The following CERS5 variants were observed in gnomAD, a reference collection of about 807,000 sequenced individuals.
CERS5 encodes the protein LAG1 homolog, ceramide synthase 5.
In CERS5, 37 loss-of-function variants were observed where a neutral mutation model predicts 58.9. The ratio of observed to expected loss-of-function variants is 0.63; its 90% CI spans 0.48 to 0.83. CERS5 has a LOEUF of 0.83. CERS5 is among the 40% of genes least tolerant of loss of function. The pLI is 0.00. For synonymous variants in CERS5, 147 were observed against 177.8 expected (o/e 0.83, Z 1.38); for missense variants, 398 against 489.3 (o/e 0.81, Z 1.76).
intron 4 of CERS5, among the ~76,000 whole-genome samples, chr12:50,139,603 G>A (rs762660169): frequency 1.3e-5 from 2 of 152,072 alleles, no homozygotes; most frequent in Non-Finnish European, 2.9e-5. Context: ...AGATTAGCCC[G>A]GCAACATGAT....
At chr12:50,157,592 A>G (rs1047848164) in intron 1 of CERS5, among the ~76,000 whole-genome samples, 14 of 152,094 alleles carry the variant, frequency 9.2e-5, no homozygotes, top group Non-Finnish European at 2.1e-4. Flanking sequence ...AGATCTCTGA[A>G]ATGGTTCTCT....
At chr12:50,153,943 A>G in intron 1 of CERS5, 1 of 354,360 alleles carries the variant, frequency 2.8e-6, no homozygotes, top group South Asian at 2.0e-5. Context: ...GACAAGAGCA[A>G]AACACCACCT....
intron 3 of CERS5, among the ~76,000 whole-genome samples, chr12:50,142,456 A>C (rs773882940): frequency 2.7e-5 from 4 of 150,116 alleles, no homozygotes; most frequent in Non-Finnish European, 5.9e-5. Flanking sequence ...AGGCTGAGGC[A>C]GGAGAATCGC....
chr12:50,155,598 G>A (rs12314572), intron 1 of CERS5, among the ~76,000 whole-genome samples: 46,892 of 151,306 alleles, frequency 0.31, 8,120 homozygotes, highest in East Asian at 0.76. Flanking sequence ...TTAGCCAGGC[G>A]TGGTGGCAGG....
At chr12:50,148,446 A>G in intron 1 of CERS5, 1 of 220,038 alleles carries the variant, frequency 4.5e-6, no homozygotes, top group South Asian at 3.9e-5. Flanking sequence ...AAAATACAAA[A>G]ATTAGCCAGG....
Position 50,130,597 on chromosome 12 carries a change from C to T in CERS5, c.1127G>A (p.Gly376Asp). Residue 376 changes from glycine (G) to aspartate (D), a missense_variant, in exon 10 of 10, where the codon GGT (glycine) becomes GAT (aspartate). Around this residue, in one of 3 missense-constraint regions of CERS5, gnomAD observed 47 missense variants for 50.2 expected, o/e 0.94. Transcript: ENST00000317551. The part of the protein sequence containing the change: ...KSPCDSSSSN[G>D]ANRVNGHMGG... ...CATGTGACCATTCACCCGATTGGCACCATTGCTGGAGCTACTGTCACAGGG... is the reference window on the plus strand; with the variant it reads ...CATGTGACCATTCACCCGATTGGCATCATTGCTGGAGCTACTGTCACAGGG... The T allele has an allele frequency of 6.2e-7, 1 of 1,612,830 alleles. No homozygotes were observed. Among genetic ancestry groups the T allele is most frequent in the Non-Finnish European group, 8.5e-7 (1 of 1,178,912 alleles).
At chr12:50,141,514 G>GTATCTTC (rs1217109238) in intron 4 of CERS5, among the ~76,000 whole-genome samples, 1 of 152,070 alleles carries the variant, frequency 6.6e-6, no homozygotes, top group Non-Finnish European at 1.5e-5. Context: ...AGTATTATTA[G>GTATCTTC]TATCTTCTAG....
intron 4 of CERS5, among the ~76,000 whole-genome samples, chr12:50,139,465 A>AGGCT (rs1951850433): frequency 6.6e-6 from 1 of 152,114 alleles, no homozygotes; most frequent in South Asian, 2.1e-4. Context: ...CCTGGGTGAC[A>AGGCT]GAGTAAGACC....
intron 6 of CERS5, 147 bp downstream of exon 6, chr12:50,137,581 G>C (rs1387250021): frequency 2.0e-5 from 11 of 540,486 alleles, no homozygotes; most frequent in Non-Finnish European, 3.3e-5. Context: ...CTCATTTCTG[G>C]GAACATTACG....
intron 9 of CERS5, among the ~76,000 whole-genome samples, chr12:50,132,481 G>C (rs1447105599): frequency 6.6e-6 from 1 of 152,146 alleles, no homozygotes; most frequent in Non-Finnish European, 1.5e-5. Context: ...AGTGAGACCT[G>C]TGTCGGACTT....
intron 1 of CERS5, among the ~76,000 whole-genome samples, chr12:50,160,350 A>G (rs1939146812): frequency 6.6e-6 from 1 of 152,066 alleles, no homozygotes; most frequent in South Asian, 2.1e-4. Flanking sequence ...AAGGAAATAA[A>G]TGGAAACATG....
At chr12:50,154,930 C>T (rs1938396308) in intron 1 of CERS5, among the ~76,000 whole-genome samples, 1 of 152,148 alleles carries the variant, frequency 6.6e-6, no homozygotes, top group Non-Finnish European at 1.5e-5. Flanking sequence ...GCTATCTTGG[C>T]TCACTGCAAC....
At position 50,142,054 on chromosome 12, in the gene CERS5, G is replaced by T; in HGVS notation, c.491C>A (p.Ser164Ter). 6.3e-7 allele frequency: 1 copy of T among 1,586,914 alleles called. No homozygotes were observed. Among genetic ancestry groups the T allele is most frequent in the South Asian group, 1.1e-5 (1 of 90,330 alleles). ...IFCYGIRFLW[S>*]SPWFWDIRQC... Reference sequence around the variant, plus strand: ...GGACTAGAGAAAGTTAAGACTCACCGACCAGAGAAATCTAATTCCATAGCA... The same window carrying T: ...GGACTAGAGAAAGTTAAGACTCACCTACCAGAGAAATCTAATTCCATAGCA... The change falls in exon 4 of 10, where the codon TCG becomes TAG. Residue 164 changes from serine (S) to a stop codon, truncating the protein, a stop_gained and splice_region_variant. Transcript: ENST00000317551. LOFTEE classifies it high-confidence loss of function.
intron 1 of CERS5, among the ~76,000 whole-genome samples, chr12:50,148,842 T>TTGCAGTG (rs1952457707): frequency 1.4e-5 from 2 of 145,538 alleles, no homozygotes; most frequent in African/African-American, 5.1e-5. Context: ...GAAGCGAAGG[T>TTGCAGTG]TGCAGTGAGC....
intron 9 of CERS5, chr12:50,134,301 A>C: frequency 1.1e-6 from 1 of 907,820 alleles, no homozygotes; most frequent in Non-Finnish European, 1.5e-6. Context: ...ATCCAAGCCC[A>C]GGTGTGAGGC....
At chr12:50,161,258 A>G (rs952525812) in intron 1 of CERS5, among the ~76,000 whole-genome samples, 8 of 152,194 alleles carry the variant, frequency 5.3e-5, no homozygotes, top group Non-Finnish European at 1.0e-4. Context: ...ATGGCTTTCC[A>G]AGTCATCCCC....
At chr12:50,155,143 C>T (rs1469446936) in intron 1 of CERS5, among the ~76,000 whole-genome samples, 1 of 151,982 alleles carries the variant, frequency 6.6e-6, no homozygotes, top group Non-Finnish European at 1.5e-5. Flanking sequence ...TAGGGGTGAG[C>T]CATCGTGCCC....
chr12:50,153,563 T>A (rs1196846863), intron 1 of CERS5, among the ~76,000 whole-genome samples: 1 of 151,864 alleles, frequency 6.6e-6, no homozygotes, highest in African/African-American at 2.4e-5. Context: ...CAGGCAAGAT[T>A]TTAAAATATT....
At position 50,142,047 on chromosome 12, in the gene CERS5, A is replaced by G; in HGVS notation, c.492+6T>C. On this transcript the variant is annotated splice_donor_region_variant and intron_variant, in intron 4 of 9. Coordinates refer to ENST00000317551, the MANE Select transcript of CERS5 (RefSeq NM_147190.5). Reference sequence around the variant, plus strand: ...CAACAGAGGACTAGAGAAAGTTAAGACTCACCGACCAGAGAAATCTAATTC... The same window carrying G: ...CAACAGAGGACTAGAGAAAGTTAAGGCTCACCGACCAGAGAAATCTAATTC... The G allele has an allele frequency of 6.4e-7, 1 of 1,564,818 alleles. No individual in the cohort carries two copies. Among genetic ancestry groups the G allele is most frequent in the South Asian group, 1.1e-5 (1 of 89,870 alleles).
Sources: gnomAD v4.1 joint callset for allele counts (sites outside exome capture counted in the v4.1 genomes callset) on GRCh38, gnomAD v4.1.1 for gene constraint, gnomAD v4.1.1 regional missense constraint, MANE v1.5 for transcripts, NCBI Gene and HGNC (gene_info 2026-07-23, HGNC 2026-07-21) for gene names.